Variants in CLSTN2 observed in about 807,000 individuals in gnomAD.
The protein encoded by CLSTN2 is calsyntenin-2.
CLSTN2 carries 48 observed loss-of-function variants against 101.2 expected under a neutral mutation model. The ratio of observed to expected loss-of-function variants is 0.47; its 90% CI spans 0.38 to 0.60. CLSTN2 has a LOEUF of 0.60. CLSTN2 is among the 20% of genes least tolerant of loss of function. The pLI, the probability that CLSTN2 is intolerant of heterozygous loss-of-function variation, is 0.00. For missense variants in CLSTN2, 1,160 were observed against 1,238.2 expected, an observed-to-expected ratio of 0.94 and a Z score of 0.95; for synonymous variants, 481 against 463.6, an observed-to-expected ratio of 1.04 and a Z score of -0.48.
intron 1 of CLSTN2, among the ~76,000 whole-genome samples, chr3:139,980,624 A>G (rs1214986465): frequency 6.7e-6 from 1 of 148,580 alleles, no homozygotes; most frequent in East Asian, 2.0e-4. Flanking sequence ...GTACTTACCG[A>G]TTCTACACTA....
rs922746527 is a variant in CLSTN2 at position 139,980,373 on chromosome 3, T to C, written c.109+44890T>C. On this transcript the variant is annotated intron_variant, in intron 1 of 16. Coordinates refer to ENST00000458420, the MANE Select transcript of CLSTN2 (RefSeq NM_022131.3). ...GATGGACTTTTACTCCAGATGTCCA[T>C]GTCCCTTGCTCTTTCACTTCATTTA... Among the ~76,000 whole-genome samples, 12 of 152,148 alleles carry C rather than the reference T, an allele frequency of 7.9e-5. 2 individuals carry two copies. The highest frequency in any genetic ancestry group is 1.8e-4 in the Non-Finnish European group (12 of 68,012).
At chr3:140,139,487 A>G (rs927812717) in intron 1 of CLSTN2, among the ~76,000 whole-genome samples, 2 of 152,028 alleles carry the variant, frequency 1.3e-5, no homozygotes, top group African/African-American at 4.8e-5. Context: ...TGCATATTGG[A>G]ATCATCTGAG....
chr3:140,023,013 A>ACGTTC (rs2007350012), intron 1 of CLSTN2, among the ~76,000 whole-genome samples: 1 of 152,186 alleles, frequency 6.6e-6, no homozygotes, highest in African/African-American at 2.4e-5. Flanking sequence ...AAAGGGCTTC[A>ACGTTC]ACGTTCCTCT....
chr3:140,258,930 T>TATATAAAATTA, intron 2 of CLSTN2, among the ~76,000 whole-genome samples: 1 of 152,178 alleles, frequency 6.6e-6, no homozygotes. Context: ...CATGTATATA[T>TATATAAAATTA]GCAGATATGT....
intron 1 of CLSTN2, among the ~76,000 whole-genome samples, chr3:140,161,569 C>T (rs559514027): frequency 3.9e-5 from 6 of 152,068 alleles, no homozygotes; most frequent in East Asian, 1.9e-4. Flanking sequence ...CAACCAGAAC[C>T]GGAAAAAGAA....
chr3:140,551,312 C>T (rs898263368), intron 10 of CLSTN2, among the ~76,000 whole-genome samples: 1 of 152,134 alleles, frequency 6.6e-6, no homozygotes, highest in African/African-American at 2.4e-5. Context: ...CAGGGACAAG[C>T]CCATGTTTCT....
At chr3:140,371,147 A>G (rs909468407) in intron 2 of CLSTN2, among the ~76,000 whole-genome samples, 11 of 152,222 alleles carry the variant, frequency 7.2e-5, no homozygotes, top group African/African-American at 2.4e-4. Flanking sequence ...GAAGCTGCTA[A>G]CAGATAAAGG....
At chr3:140,030,051 G>A (rs988696578) in intron 1 of CLSTN2, among the ~76,000 whole-genome samples, 10 of 152,082 alleles carry the variant, frequency 6.6e-5, no homozygotes, top group Admixed American at 3.3e-4. Flanking sequence ...GATAAAGCAC[G>A]TTGCCAAATA....
rs1170660141 is a variant in CLSTN2 at position 140,109,963 on chromosome 3, C to A, written c.110-65988C>A. Among the ~76,000 whole-genome samples, 3 of 152,234 alleles carry A rather than the reference C, an allele frequency of 2.0e-5. No individual in the cohort carries two copies. The East Asian group carries it at 5.8e-4, about 29-fold the overall frequency. On this transcript the variant is annotated intron_variant, in intron 1 of 16. Transcript: ENST00000458420. Reference sequence around the variant, plus strand: ...CCCAGGTTTCCTTGATCACAGTCAACCCTCCCACTCTGCCATGTGCCAGCC... The same window carrying A: ...CCCAGGTTTCCTTGATCACAGTCAAACCTCCCACTCTGCCATGTGCCAGCC...
At position 140,427,045 on chromosome 3, in the gene CLSTN2, G is replaced by A. The variant is rs1253941803; in HGVS notation, c.787+5771G>A. Among the ~76,000 whole-genome samples, 4 of 144,532 alleles carry A rather than the reference G, an allele frequency of 2.8e-5. No individual in the cohort carries two copies. In the East Asian group the frequency reaches 5.8e-4, roughly 21 times the overall value. The allele number at this position is 144,532 out of a possible 152,430, so 94.8% of individuals were successfully genotyped here. A position where few individuals can be genotyped will look rare whatever the true frequency, so the allele number is the denominator to read the frequency against. ...CAAAATATTAGCCAGGCATGGTGGT[G>A]CATGCCTGCAATCCCAGCTACTTGG... On this transcript the variant is annotated intron_variant, in intron 5 of 16. Coordinates refer to ENST00000458420, the MANE Select transcript of CLSTN2 (RefSeq NM_022131.3).
intron 2 of CLSTN2, among the ~76,000 whole-genome samples, chr3:140,372,035 T>A (rs2087863471): frequency 6.6e-6 from 1 of 152,098 alleles, no homozygotes; most frequent in Non-Finnish European, 1.5e-5. Flanking sequence ...AAGATGAAAG[T>A]GGAGGACCTT....
chr3:140,541,386 C>CAATT (rs1454851633), intron 9 of CLSTN2, among the ~76,000 whole-genome samples: 1 of 152,218 alleles, frequency 6.6e-6, no homozygotes, highest in East Asian at 1.9e-4. Context: ...TGCTAATTTA[C>CAATT]AATTATTCAT....
At chr3:140,285,982 G>A (rs1034455617) in intron 2 of CLSTN2, among the ~76,000 whole-genome samples, 4 of 152,284 alleles carry the variant, frequency 2.6e-5, no homozygotes, top group Non-Finnish European at 2.9e-5. Context: ...AGCCCTGCTG[G>A]CCTCTAGGGT....
chr3:140,175,047 A>T (rs1294540298), intron 1 of CLSTN2, among the ~76,000 whole-genome samples: 2 of 152,204 alleles, frequency 1.3e-5, no homozygotes, highest in Non-Finnish European at 2.9e-5. Context: ...TTCTCTCAGT[A>T]TACATATTTC....
At chr3:140,289,594 C>G (rs985774698) in intron 2 of CLSTN2, among the ~76,000 whole-genome samples, 14 of 152,126 alleles carry the variant, frequency 9.2e-5, no homozygotes, top group African/African-American at 3.4e-4. Context: ...CCTCCAGAAT[C>G]AAGACCAAAC....
chr3:140,416,796 C>T (rs2088435945), intron 4 of CLSTN2, among the ~76,000 whole-genome samples: 1 of 152,198 alleles, frequency 6.6e-6, no homozygotes, highest in Admixed American at 6.5e-5. Flanking sequence ...TCAACGACAC[C>T]CAGTTACCAA....
At chr3:140,177,628 A>AAAT (rs983209491) in intron 2 of CLSTN2, among the ~76,000 whole-genome samples, 7 of 151,934 alleles carry the variant, frequency 4.6e-5, no homozygotes, top group Non-Finnish European at 2.9e-5. Context: ...CATCTCTACA[A>AAAT]AATAATAATA....
chr3:140,195,714 G>A (rs530326908), intron 2 of CLSTN2, among the ~76,000 whole-genome samples: 1 of 152,170 alleles, frequency 6.6e-6, no homozygotes, highest in Non-Finnish European at 1.5e-5. Flanking sequence ...AGAGTTTACA[G>A]ATTAAACAAT....
intron 1 of CLSTN2, among the ~76,000 whole-genome samples, chr3:140,058,089 TA>T (rs3833599): frequency 2.9e-4 from 43 of 150,388 alleles, no homozygotes; most frequent in East Asian, 1.2e-3. Flanking sequence ...TGCTTCCATT[TA>T]AAAAAAAAAA....
Sources: allele counts gnomAD v4.1 joint callset (sites outside exome capture counted in the v4.1 genomes callset), GRCh38; gene constraint gnomAD v4.1.1; transcripts MANE v1.5; gene names NCBI Gene and HGNC (gene_info 2026-07-23, HGNC 2026-07-21).